Variants in CREB1 observed in about 807,000 individuals in gnomAD.
CREB1 encodes the protein cAMP responsive element binding protein 1, also known as cyclic AMP-responsive element-binding protein 1.
In CREB1, 2 loss-of-function variants were observed where a neutral mutation model predicts 42.0. The ratio of observed to expected loss-of-function variants is 0.05; its 90% CI spans 0.02 to 0.15. The LOEUF (loss-of-function observed/expected upper bound fraction) is 0.15, where lower values mean the gene tolerates loss of function less well. CREB1 is among the 10% of genes least tolerant of loss of function. The pLI, the probability that CREB1 is intolerant of heterozygous loss-of-function variation, is 1.00. For missense variants in CREB1, 199 were observed against 388.9 expected (o/e 0.51, Z 4.11); for synonymous variants, 123 against 139.9 (o/e 0.88, Z 0.85).
intron 7 of CREB1, among the ~76,000 whole-genome samples, chr2:207,585,912 A>G (rs2083736811): frequency 6.6e-6 from 1 of 152,200 alleles, no homozygotes; most frequent in South Asian, 2.1e-4. Context: ...TGGGAGTGCC[A>G]CAAGGAGAAA....
At chr2:207,553,608 G>A (rs2551917) in intron 1 of CREB1, among the ~76,000 whole-genome samples, 25,811 of 152,024 alleles carry the variant, frequency 0.17, 2,340 homozygotes, top group Middle Eastern at 0.21. Flanking sequence ...AGTATCTGGT[G>A]TTTAAAAAAC....
At chr2:207,583,138 G>A (rs2083238093) in intron 7 of CREB1, among the ~76,000 whole-genome samples, 2 of 152,084 alleles carry the variant, frequency 1.3e-5, no homozygotes, top group Admixed American at 6.5e-5. Context: ...GTAATCTAGA[G>A]GTGATTTTAA....
At chr2:207,548,669 T>C (rs891937753) in intron 1 of CREB1, among the ~76,000 whole-genome samples, 1 of 152,122 alleles carries the variant, frequency 6.6e-6, no homozygotes, top group African/African-American at 2.4e-5. Context: ...GAGAATCACT[T>C]GAACCGGGGA....
intron 1 of CREB1, among the ~76,000 whole-genome samples, chr2:207,544,904 T>C (rs2081239375): frequency 6.6e-6 from 1 of 152,238 alleles, no homozygotes; most frequent in Non-Finnish European, 1.5e-5. Flanking sequence ...CATGATCTTG[T>C]TCTTTATGGC....
chr2:207,587,859 A>G (rs1449726599), intron 7 of CREB1, among the ~76,000 whole-genome samples: 1 of 152,204 alleles, frequency 6.6e-6, no homozygotes, highest in Non-Finnish European at 1.5e-5. Flanking sequence ...CTAGGTTGGT[A>G]GAATGATTTC....
At chr2:207,532,990 C>T (rs1005742740) in intron 1 of CREB1, among the ~76,000 whole-genome samples, 1 of 151,926 alleles carries the variant, frequency 6.6e-6, no homozygotes, top group Non-Finnish European at 1.5e-5. Flanking sequence ...AACTTGTATT[C>T]ATTAATACTT....
rs2087252093 is a variant in CREB1 at position 207,602,513 on chromosome 2, C to A, written c.*5455C>A. ...ACTTGCCTATAGAAGTATGGCATTT[C>A]CAAGCTTTTGTCTGAGGAGCATCTC... is the stretch of plus-strand genomic sequence containing the variant. On this transcript the variant is annotated 3_prime_UTR_variant, in exon 8 of 8. Transcript: ENST00000353267. 1 of 208,358 alleles carries A rather than the reference C, an allele frequency of 4.8e-6. No individual in the cohort carries two copies. The highest frequency in any genetic ancestry group is 1.9e-4 in the South Asian group (1 of 5,294). The allele number at this position is 208,358 out of a possible 1,614,324, so 12.9% of individuals were successfully genotyped here.
intron 4 of CREB1, 97 bp from the exon 5 acceptor site, chr2:207,570,082 G>T: frequency 1.5e-6 from 1 of 676,856 alleles, no homozygotes; most frequent in African/African-American, 1.9e-5. Context: ...CTAAGCACTA[G>T]CAGCTTTCTG....
intron 1 of CREB1, among the ~76,000 whole-genome samples, chr2:207,543,109 T>C (rs1045768532): frequency 9.9e-5 from 15 of 152,176 alleles, no homozygotes; most frequent in Non-Finnish European, 1.5e-4. Context: ...TTAAATCATC[T>C]CTAGATTACT....
intron 5 of CREB1, among the ~76,000 whole-genome samples, chr2:207,572,676 C>T (rs1054477132): frequency 2.6e-5 from 4 of 152,000 alleles, no homozygotes; most frequent in South Asian, 2.1e-4. Context: ...ATTAGCCGAG[C>T]GAGGTGGCGG....
At chr2:207,568,461 T>A (rs2082225082) in intron 4 of CREB1, among the ~76,000 whole-genome samples, 1 of 152,092 alleles carries the variant, frequency 6.6e-6, no homozygotes, top group Non-Finnish European at 1.5e-5. Flanking sequence ...ACACATTTGA[T>A]CCTGAAGCAA....
rs1351875043 is a variant in CREB1 at position 207,605,217 on chromosome 2, T to G, written c.*8159T>G. Among the ~76,000 whole-genome samples the G allele has an allele frequency of 6.6e-6, 1 of 152,198 alleles. No individual in the cohort carries two copies. The highest frequency in any genetic ancestry group is 1.5e-5 in the Non-Finnish European group (1 of 68,038). On this transcript the variant is annotated 3_prime_UTR_variant, in exon 8 of 8. Coordinates refer to ENST00000353267, the MANE Select transcript of CREB1 (RefSeq NM_004379.5). ...ATGAGGGTTCCAATTTCTCCACACC[T>G]TCACCAACACTTATTTTGCCATTTT...
chr2:207,535,273 TAA>T (rs1341787065), intron 1 of CREB1, among the ~76,000 whole-genome samples: 3 of 152,234 alleles, frequency 2.0e-5, no homozygotes, highest in Non-Finnish European at 2.9e-5. Context: ...CAAGCCAGGT[TAA>T]GAGTTAACTC....
chr2:207,581,723 A>G, intron 7 of CREB1: 2 of 604,696 alleles, frequency 3.3e-6, no homozygotes, highest in South Asian at 4.2e-5. Flanking sequence ...ACATTTATCA[A>G]AAATAAAAGT....
At chr2:207,536,071 C>T (rs1220498537) in intron 1 of CREB1, among the ~76,000 whole-genome samples, 1 of 152,066 alleles carries the variant, frequency 6.6e-6, no homozygotes, top group Non-Finnish European at 1.5e-5. Flanking sequence ...CCTCAGCCTC[C>T]CAAAGAGTTG....
At chr2:207,589,508 A>G (rs960699352) in intron 7 of CREB1, among the ~76,000 whole-genome samples, 1 of 152,244 alleles carries the variant, frequency 6.6e-6, no homozygotes, top group African/African-American at 2.4e-5. Flanking sequence ...CCCCTTTGCC[A>G]TATAAGGTAA....
At chr2:207,548,123 G>A (rs138246582) in intron 1 of CREB1, among the ~76,000 whole-genome samples, 7,848 of 151,948 alleles carry the variant, frequency 0.052, 269 homozygotes, top group Middle Eastern at 0.099. Context: ...AGTAGAGACG[G>A]GGTTTCACAA....
intron 3 of CREB1, among the ~76,000 whole-genome samples, chr2:207,564,362 G>C (rs568153922): frequency 6.6e-6 from 1 of 152,120 alleles, no homozygotes; most frequent in African/African-American, 2.4e-5. Context: ...TTAAAAATTA[G>C]CTGGGAGTGG....
chr2:207,593,881 G>A (rs899488697), intron 7 of CREB1, among the ~76,000 whole-genome samples: 5 of 151,984 alleles, frequency 3.3e-5, no homozygotes, highest in African/African-American at 1.2e-4. Context: ...ACCATCCCCA[G>A]CTAATTTTTG....
Sources: gnomAD v4.1 joint callset for allele counts (sites outside exome capture counted in the v4.1 genomes callset) on GRCh38, gnomAD v4.1.1 for gene constraint, MANE v1.5 for transcripts, NCBI Gene and HGNC (gene_info 2026-07-23, HGNC 2026-07-21) for gene names.